The following IFT56 variants were observed in gnomAD, a reference collection of about 807,000 sequenced individuals.
IFT56 encodes intraflagellar transport 56.
the IFT56 span, among the ~76,000 whole-genome samples, chr7:139,157,171 A>G: frequency 1.9e-5 from 2 of 105,336 alleles, no homozygotes; most frequent in Non-Finnish European, 3.9e-5. Flanking sequence ...TTTGAGACGA[A>G]GTTTTGCTCT....
chr7:139,155,907 A>G, the IFT56 span, among the ~76,000 whole-genome samples: 4 of 151,970 alleles, frequency 2.6e-5, no homozygotes, highest in African/African-American at 9.7e-5. Context: ...TGGGCTTTTT[A>G]TTTCATTGTA....
At chr7:139,145,175 T>C in the IFT56 span, among the ~76,000 whole-genome samples, 2 of 152,144 alleles carry the variant, frequency 1.3e-5, no homozygotes, top group Non-Finnish European at 2.9e-5. Context: ...AGGGTAGCTT[T>C]CCAGGGGTCC....
the IFT56 span, among the ~76,000 whole-genome samples, chr7:139,143,604 T>C: frequency 2.0e-5 from 3 of 152,086 alleles, no homozygotes; most frequent in Non-Finnish European, 4.4e-5. Context: ...TAAATGAGTT[T>C]TGTGGGTTTT....
the IFT56 span, among the ~76,000 whole-genome samples, chr7:139,166,633 C>T: frequency 0.028 from 4,334 of 152,180 alleles, 99 homozygotes; most frequent in Non-Finnish European, 0.045. Flanking sequence ...TTTTAAGGTA[C>T]TTCATGGCTT....
At chr7:139,185,935 C>A in the IFT56 span, among the ~76,000 whole-genome samples, 4 of 151,880 alleles carry the variant, frequency 2.6e-5, no homozygotes, top group African/African-American at 9.7e-5. Context: ...ATAATTTGAA[C>A]TGAAGAGAAG....
the IFT56 span, among the ~76,000 whole-genome samples, chr7:139,152,366 A>T: frequency 6.6e-6 from 1 of 152,148 alleles, no homozygotes; most frequent in Non-Finnish European, 1.5e-5. Flanking sequence ...GCTTCAACTA[A>T]TCCTTCCACC....
At chr7:139,168,013 G>A in the IFT56 span, among the ~76,000 whole-genome samples, 48 of 151,724 alleles carry the variant, frequency 3.2e-4, no homozygotes, top group Middle Eastern at 3.4e-3. Context: ...TGGTTGAGAA[G>A]GTAATAAAAA....
the IFT56 span, chr7:139,189,381 C>T: frequency 6.2e-7 from 1 of 1,613,604 alleles, no homozygotes; most frequent in Non-Finnish European, 8.5e-7. Context: ...AAGTAGAATA[C>T]ATGATCCGGA....
At chr7:139,181,029 A>G in the IFT56 span, 1 of 1,016,682 alleles carries the variant, frequency 9.8e-7, no homozygotes, top group Non-Finnish European at 1.5e-6. Flanking sequence ...AATAAGGTGC[A>G]GAAATTATTT....
At chr7:139,161,112 GC>G in the IFT56 span, 1 of 1,185,902 alleles carries the variant, frequency 8.4e-7, no homozygotes, top group Non-Finnish European at 1.2e-6. Flanking sequence ...AAGGAGATGC[GC>G]CAGCAAGTAA....
At chr7:139,149,174 G>A in the IFT56 span, among the ~76,000 whole-genome samples, 4 of 151,500 alleles carry the variant, frequency 2.6e-5, no homozygotes, top group East Asian at 1.9e-4. Flanking sequence ...GCGTGGTGGC[G>A]GGCGCCTGTA....
chr7:139,134,341 G>C, the IFT56 span, among the ~76,000 whole-genome samples: 10 of 150,708 alleles, frequency 6.6e-5, no homozygotes, highest in Non-Finnish European at 1.5e-5. Context: ...GCGCGATCTT[G>C]GCTCACTGCA....
chr7:139,146,313 G>A, the IFT56 span, among the ~76,000 whole-genome samples: 1 of 152,050 alleles, frequency 6.6e-6, no homozygotes, highest in African/African-American at 2.4e-5. Context: ...AGCATTACAA[G>A]GTTGGAATAG....
At chr7:139,175,902 T>G in the IFT56 span, among the ~76,000 whole-genome samples, 2 of 152,182 alleles carry the variant, frequency 1.3e-5, no homozygotes, top group African/African-American at 4.8e-5. Flanking sequence ...TGATTTCGGC[T>G]CACTGCAACC....
At chr7:139,144,415 T>C in the IFT56 span, among the ~76,000 whole-genome samples, 1 of 152,140 alleles carries the variant, frequency 6.6e-6, no homozygotes, top group Non-Finnish European at 1.5e-5. Flanking sequence ...ATACATTGGT[T>C]TTTGTTATTA....
At chr7:139,174,942 A>G in the IFT56 span, among the ~76,000 whole-genome samples, 17 of 152,094 alleles carry the variant, frequency 1.1e-4, no homozygotes, top group Non-Finnish European at 2.2e-4. Context: ...AATCGCTTGA[A>G]TCCAGGAGGC....
At chr7:139,134,617 A>G in the IFT56 span, 1 of 1,551,074 alleles carries the variant, frequency 6.4e-7, no homozygotes, top group South Asian at 1.3e-5. Context: ...TCTGATAATC[A>G]GAATTGGACC....
the IFT56 span, among the ~76,000 whole-genome samples, chr7:139,178,929 T>TA: frequency 6.6e-6 from 1 of 152,160 alleles, no homozygotes; most frequent in Non-Finnish European, 1.5e-5. Context: ...TGAATAGACA[T>TA]AGATTTTATA....
chr7:139,177,611 A>AGTGT, the IFT56 span, among the ~76,000 whole-genome samples: 1,987 of 148,574 alleles, frequency 0.013, 18 homozygotes, highest in South Asian at 0.033. Flanking sequence ...ATATATATAT[A>AGTGT]GTGTGTGTGT....
Sources: gnomAD v4.1 joint callset for allele counts (sites outside exome capture counted in the v4.1 genomes callset) on GRCh38, gnomAD v4.1.1 for gene constraint, MANE v1.5 for transcripts, NCBI Gene and HGNC (gene_info 2026-07-23, HGNC 2026-07-21) for gene names.